COL5A2: variants seen among roughly 807,000 people sequenced by gnomAD.
COL5A2 encodes the protein collagen alpha-2(V) chain.
In COL5A2, 23 loss-of-function variants were observed where a neutral mutation model predicts 208.2. That is an observed-to-expected ratio of 0.11 (90% confidence interval 0.08 to 0.16). COL5A2 has a LOEUF of 0.16. Ranked by LOEUF, COL5A2 falls within the 10% of genes least tolerant of loss-of-function variation. The pLI is 1.00. For synonymous variants in COL5A2, 625 were observed against 628.5 expected (o/e 0.99, Z 0.08); for missense variants, 1,590 against 1,956.4 (o/e 0.81, Z 3.53).
At chr2:189,321,353 T>C in the COL5A2 span, among the ~76,000 whole-genome samples, 1 of 152,308 alleles carries the variant, frequency 6.6e-6, no homozygotes, top group African/African-American at 2.4e-5. Context: ...AATGTTCCAA[T>C]TAAAAGACAC....
At chr2:189,232,551 G>C in the COL5A2 span, among the ~76,000 whole-genome samples, 1 of 151,650 alleles carries the variant, frequency 6.6e-6, no homozygotes, top group Non-Finnish European at 1.5e-5. Flanking sequence ...TCAGGGAAAA[G>C]GTTTTTCTGG....
intron 1 of COL5A2, among the ~76,000 whole-genome samples, chr2:189,210,432 GA>G (rs34973641): frequency 0.59 from 79,897 of 134,682 alleles, 23,338 homozygotes; most frequent in East Asian, 0.73. Context: ...TGTTGAGCTT[GA>G]AAAAAAAAAA....
chr2:189,342,163 C>T, the COL5A2 span, among the ~76,000 whole-genome samples: 2 of 147,860 alleles, frequency 1.4e-5, no homozygotes, highest in Non-Finnish European at 3.0e-5. Flanking sequence ...TATAGGTAAG[C>T]AAAACCAATT....
intron 1 of COL5A2, among the ~76,000 whole-genome samples, chr2:189,222,339 T>C (rs1689356658): frequency 6.6e-6 from 1 of 152,158 alleles, no homozygotes; most frequent in Admixed American, 6.5e-5. Flanking sequence ...TTAGAGCACA[T>C]ATATATGTAT....
intron 1 of COL5A2, among the ~76,000 whole-genome samples, chr2:189,152,438 A>G (rs1688163139): frequency 6.6e-6 from 1 of 152,220 alleles, no homozygotes; most frequent in South Asian, 2.1e-4. Flanking sequence ...TGAAATGGCC[A>G]TACACACAAT....
chr2:189,108,306 T>C (rs940912101), intron 2 of COL5A2, among the ~76,000 whole-genome samples: 3 of 151,808 alleles, frequency 2.0e-5, no homozygotes, highest in Admixed American at 6.6e-5. Flanking sequence ...CCCTGAGAAA[T>C]TTATAGAAAC....
At chr2:189,350,833 A>G in the COL5A2 span, among the ~76,000 whole-genome samples, 1 of 152,208 alleles carries the variant, frequency 6.6e-6, no homozygotes, top group African/African-American at 2.4e-5. Context: ...TTACATCTCC[A>G]TGTCAACACA....
the COL5A2 span, among the ~76,000 whole-genome samples, chr2:189,272,085 T>C: frequency 7.9e-5 from 12 of 152,244 alleles, no homozygotes; most frequent in Admixed American, 3.9e-4. Flanking sequence ...AGTTCAACCA[T>C]TGTGGAAGAC....
chr2:189,151,926 C>A (rs555217453), intron 1 of COL5A2, among the ~76,000 whole-genome samples: 108 of 152,242 alleles, frequency 7.1e-4, no homozygotes, highest in Non-Finnish European at 1.2e-3. Context: ...GGGTCTAAGA[C>A]CCCAGTAGTT....
At chr2:189,062,172 A>T (rs1020801121) in intron 29 of COL5A2, among the ~76,000 whole-genome samples, 14 of 125,282 alleles carry the variant, frequency 1.1e-4, no homozygotes, top group Admixed American at 2.1e-4. Flanking sequence ...GTCCTAAAAA[A>T]TACCTTAAAT....
rs1274013767 is a variant in COL5A2 at position 189,079,086 on chromosome 2, G to A, written c.982C>T (p.Pro328Ser). 1 of 1,612,962 alleles carries A rather than the reference G, an allele frequency of 6.2e-7. No homozygotes were observed. ...GSKGEAGPTG[P>S]MGAMGPLGPR... ...ACCAGAGGACCCATGGCACCCATTGGACCAGTGGGGCCAGCTTCACCCTAA... is the reference window on the plus strand; with the variant it reads ...ACCAGAGGACCCATGGCACCCATTGAACCAGTGGGGCCAGCTTCACCCTAA... The change falls in exon 15 of 54, where the codon CCA (proline) becomes TCA (serine). Residue 328 changes from proline to serine, a missense_variant. Physicochemically the swap from Pro to Ser is moderately conservative, Grantham distance 74. Coordinates refer to ENST00000374866, the MANE Select transcript of COL5A2 (RefSeq NM_000393.5).
At chr2:189,399,857 G>A in the COL5A2 span, among the ~76,000 whole-genome samples, 2 of 151,918 alleles carry the variant, frequency 1.3e-5, no homozygotes, top group Non-Finnish European at 2.9e-5. Flanking sequence ...ATGCCACCAT[G>A]TCTGGCTAAT....
chr2:189,311,616 T>C, the COL5A2 span: 32,672 of 933,462 alleles, frequency 0.035, 673 homozygotes, highest in Admixed American at 0.052. Flanking sequence ...AGATTTCTCA[T>C]AGAGTCCAGG....
chr2:189,158,956 A>AT (rs1411901721), intron 1 of COL5A2, among the ~76,000 whole-genome samples: 3 of 152,264 alleles, frequency 2.0e-5, no homozygotes, highest in African/African-American at 7.2e-5. Context: ...TTCTTACTAA[A>AT]TATATAGATT....
chr2:189,212,886 C>T (rs1689233827), intron 1 of COL5A2, among the ~76,000 whole-genome samples: 2 of 147,556 alleles, frequency 1.4e-5, no homozygotes, highest in African/African-American at 2.5e-5. Context: ...TATATATATA[C>T]ACACATATAT....
chr2:189,381,674 C>A, the COL5A2 span, among the ~76,000 whole-genome samples: 2 of 151,876 alleles, frequency 1.3e-5, no homozygotes, highest in Middle Eastern at 7.1e-3. Context: ...TAAATACTTG[C>A]GGTATGTTAT....
At chr2:189,354,419 T>C in the COL5A2 span, among the ~76,000 whole-genome samples, 2 of 152,178 alleles carry the variant, frequency 1.3e-5, no homozygotes, top group Non-Finnish European at 2.9e-5. Context: ...CTGGACTTTT[T>C]TTGTTGGTAG....
chr2:189,052,348 T>C, intron 40 of COL5A2, 123 bp from the exon 41 acceptor site: 1 of 939,180 alleles, frequency 1.1e-6, no homozygotes, highest in Non-Finnish European at 1.7e-6. Context: ...TTGTAAGCAA[T>C]ATTTTTTTTT....
intron 14 of COL5A2, 141 bp from the exon 15 acceptor site, chr2:189,079,248 G>A (rs1576512738): frequency 1.4e-6 from 1 of 697,392 alleles, no homozygotes; most frequent in East Asian, 2.6e-5. Flanking sequence ...TCAGAATGTT[G>A]TTTTATTACC....
Sources: gnomAD v4.1 joint callset for allele counts (sites outside exome capture counted in the v4.1 genomes callset) on GRCh38, gnomAD v4.1.1 for gene constraint, MANE v1.5 for transcripts, NCBI Gene and HGNC (gene_info 2026-07-23, HGNC 2026-07-21) for gene names.